The following GOLM1 variants were observed in gnomAD, a reference collection of about 807,000 sequenced individuals.
GOLM1 encodes the protein golgi membrane protein 1, also known as epididymis luminal protein 46.
Under a neutral mutation model 50.5 loss-of-function variants are expected in GOLM1, and 31 were observed. The ratio of observed to expected loss-of-function variants is 0.61; its 90% CI spans 0.46 to 0.83. The LOEUF is 0.83. GOLM1 is among the 40% of genes least tolerant of loss of function. The pLI is 0.00. For synonymous variants in GOLM1, 178 were observed against 192.8 expected, an observed-to-expected ratio of 0.92 and a Z score of 0.64; for missense variants, 491 against 501.3, an observed-to-expected ratio of 0.98 and a Z score of 0.20.
At chr9:86,066,456 C>T (rs1251503222) in intron 3 of GOLM1, among the ~76,000 whole-genome samples, 1 of 152,208 alleles carries the variant, frequency 6.6e-6, no homozygotes, top group East Asian at 1.9e-4. Context: ...ATAAGCAAGT[C>T]ACCAACACCT....
chr9:86,052,145 A>G (rs1000114713), intron 4 of GOLM1, among the ~76,000 whole-genome samples: 2 of 152,168 alleles, frequency 1.3e-5, no homozygotes, highest in African/African-American at 2.4e-5. Flanking sequence ...AGCGGCAAAG[A>G]GGGGGAATTA....
intron 3 of GOLM1, among the ~76,000 whole-genome samples, chr9:86,061,578 G>T (rs1412273118): frequency 6.6e-6 from 1 of 152,220 alleles, no homozygotes; most frequent in Non-Finnish European, 1.5e-5. Context: ...ACCTGAGACT[G>T]TGGCATCCGG....
chr9:86,099,577 GCC>G (rs1835469470), upstream of GOLM1: 1 of 147,730 alleles, frequency 6.8e-6, no homozygotes, highest in Non-Finnish European at 1.5e-5. Flanking sequence ...CAGCGGCAAG[GCC>G]CCGCCCCCGA....
At chr9:86,052,697 T>G in intron 3 of GOLM1, 106 bp from the exon 4 acceptor site, 33 of 908,124 alleles carry the variant, frequency 3.6e-5, no homozygotes, top group Non-Finnish European at 5.1e-5. Context: ...CCAGCGCTGC[T>G]GTCAGGGAAG....
At position 86,036,426 on chromosome 9, in the gene GOLM1, C is replaced by G. The variant is rs141860390; in HGVS notation, c.679G>C (p.Val227Leu). ...GTCTGGGACTTGCTGTTACCAAGCACGTTTCCCTTCCCTTGTGGCACCTCT... is the reference window on the plus strand; with the variant it reads ...GTCTGGGACTTGCTGTTACCAAGCAGGTTTCCCTTCCCTTGTGGCACCTCT... ...HTEVPQGKGN[V>L]LGNSKSQTPA... The change falls in exon 7 of 10, where the codon GTG becomes CTG. Residue 227 changes from valine (V) to leucine (L), a missense_variant. By Grantham distance (32) the Val-to-Leu change is conservative. Coordinates refer to ENST00000388712, the MANE Select transcript of GOLM1 (RefSeq NM_016548.4). The G allele has an allele frequency of 3.7e-6, 6 of 1,614,170 alleles. No individual in the cohort carries two copies. The highest frequency in any genetic ancestry group is 5.1e-6 in the Non-Finnish European group (6 of 1,180,014).
At chr9:86,047,856 A>G (rs1833602877) in intron 4 of GOLM1, among the ~76,000 whole-genome samples, 1 of 152,188 alleles carries the variant, frequency 6.6e-6, no homozygotes, top group African/African-American at 2.4e-5. Context: ...GTCTGATTCC[A>G]TCTGTATGCA....
intron 6 of GOLM1, among the ~76,000 whole-genome samples, chr9:86,038,833 A>G (rs1833235772): frequency 6.6e-6 from 1 of 152,212 alleles, no homozygotes; most frequent in Non-Finnish European, 1.5e-5. Flanking sequence ...AGAACTAAGA[A>G]CGATAAAACT....
Position 86,026,572 on chromosome 9 carries a change from C to G in GOLM1, c.*1245G>C. ...GGTTGGATCAAACGATCTCTGGGGC[C>G]TTAGCATCTCAAATCCTGTGGATCC... On this transcript the variant is annotated 3_prime_UTR_variant, in exon 10 of 10. Transcript: ENST00000388712. The G allele has an allele frequency of 1.1e-6, 1 of 933,574 alleles. No homozygotes were observed. Among genetic ancestry groups the G allele is most frequent in the Non-Finnish European group, 1.3e-6 (1 of 782,694 alleles). The allele number at this position is 933,574 out of a possible 1,614,324, so 57.8% of individuals were successfully genotyped here.
chr9:86,070,979 G>C (rs1834431641), intron 3 of GOLM1, among the ~76,000 whole-genome samples: 1 of 151,914 alleles, frequency 6.6e-6, no homozygotes, highest in Non-Finnish European at 1.5e-5. Flanking sequence ...TTAACGTCCA[G>C]GTGTATCTCT....
At chr9:86,080,115 G>A (rs1008513917) in intron 1 of GOLM1, 2 of 152,204 alleles carry the variant, frequency 1.3e-5, no homozygotes, top group African/African-American at 4.8e-5. Context: ...CATGCCAAAC[G>A]AGAGCACCTT....
At chr9:86,049,123 A>G (rs182770551) in intron 4 of GOLM1, among the ~76,000 whole-genome samples, 1 of 152,210 alleles carries the variant, frequency 6.6e-6, no homozygotes, top group Non-Finnish European at 1.5e-5. Context: ...ACCATTTATT[A>G]AATAGGGAAT....
At chr9:86,033,602 C>G (rs1833048712) in intron 8 of GOLM1, among the ~76,000 whole-genome samples, 1 of 152,172 alleles carries the variant, frequency 6.6e-6, no homozygotes. Flanking sequence ...AATCTACAGA[C>G]AGCATGGCCC....
chr9:86,032,424 C>T (rs944766875), intron 9 of GOLM1, among the ~76,000 whole-genome samples: 1 of 152,126 alleles, frequency 6.6e-6, no homozygotes. Flanking sequence ...GCCTTGGTCT[C>T]CCAAAGCGCT....
chr9:86,027,760 G>A lies in GOLM1; in HGVS notation c.*57C>T. ...CAGTTTTCAGTATTCAGTCCCTCATGAACATTTTATAGTCATCTCTTCGGC... is the reference window on the plus strand; with the variant it reads ...CAGTTTTCAGTATTCAGTCCCTCATAAACATTTTATAGTCATCTCTTCGGC... On this transcript the variant is annotated 3_prime_UTR_variant, in exon 10 of 10. Coordinates refer to ENST00000388712, the MANE Select transcript of GOLM1 (RefSeq NM_016548.4). The A allele has an allele frequency of 1.9e-6, 3 of 1,581,572 alleles. No homozygotes were observed. Among genetic ancestry groups the A allele is most frequent in the Non-Finnish European group, 1.7e-6 (2 of 1,165,072 alleles).
chr9:86,027,110 C>T lies in GOLM1; in HGVS notation c.*707G>A, dbSNP rs752307540. 69 of 984,498 alleles carry T rather than the reference C, an allele frequency of 7.0e-5. No homozygotes were observed. Among genetic ancestry groups the T allele is most frequent in the African/African-American group, 2.3e-4 (13 of 57,222 alleles). 61.0% of individuals were successfully genotyped at this position (984,498 alleles called of 1,614,324 possible). On this transcript the variant is annotated 3_prime_UTR_variant, in exon 10 of 10. Transcript: ENST00000388712. ...GGGAAGATGTTGCTTTGCCCACACA[C>T]GAAGCAAAGTAAATAAAGACCACAA...
intron 1 of GOLM1, among the ~76,000 whole-genome samples, chr9:86,081,534 G>C (rs1347853177): frequency 6.6e-6 from 1 of 152,054 alleles, no homozygotes; most frequent in Non-Finnish European, 1.5e-5. Flanking sequence ...AATACAAGAG[G>C]GGGTGGCAGG....
rs1472480259 is a variant in GOLM1 at position 86,077,433 on chromosome 9, G to C, written c.288C>G (p.Asn96Lys). ...SSHNFQLESV[N>K]KLYQDEKAVL... is the part of the protein sequence containing the mutation. ...TTGCCTTTTCGTCCTGGTACAGCTT[G>C]TTGACGCTCTCCAGCTGGAAGTTGT... is the stretch of plus-strand genomic sequence containing the variant. Residue 96 changes from asparagine (N) to lysine (K), a missense_variant, in exon 3 of 10, where the codon AAC becomes AAG. Asn to Lys is a moderately conservative substitution (Grantham distance 94). Coordinates refer to ENST00000388712, the MANE Select transcript of GOLM1 (RefSeq NM_016548.4). 3 of 1,614,006 alleles carry C rather than the reference G, an allele frequency of 1.9e-6. 1 individual carries two copies. Among genetic ancestry groups the C allele is most frequent in the Middle Eastern group, 3.3e-4 (2 of 6,084 alleles).
rs748286035 is a variant in GOLM1, at chr9:86,027,795, A to AAAT, written c.*19_*21dup. The stretch of plus-strand genomic sequence containing the variant: ...TAGTCATCTCTTCGGCCCTGTTGTG[A>AAAT]AATATGTGATTCCAGTTCAATTCAG... On this transcript the variant is annotated 3_prime_UTR_variant, in exon 10 of 10. Transcript: ENST00000388712. 2.5e-6 allele frequency: 4 copies of AAAT among 1,610,368 alleles called. No individual in the cohort carries two copies. In the South Asian group the frequency reaches 3.3e-5, roughly 13 times the overall value.
At chr9:86,052,820 CG>C (rs1211669967) in intron 3 of GOLM1, among the ~76,000 whole-genome samples, 1 of 111,490 alleles carries the variant, frequency 9.0e-6, no homozygotes, top group Non-Finnish European at 2.0e-5. Context: ...CAAAAGCCAA[CG>C]GGTCCAGACC....
Sources: gnomAD v4.1 joint callset for allele counts (sites outside exome capture counted in the v4.1 genomes callset) on GRCh38, gnomAD v4.1.1 for gene constraint, MANE v1.5 for transcripts, NCBI Gene and HGNC (gene_info 2026-07-23, HGNC 2026-07-21) for gene names.